The following PTAR1 variants were observed in gnomAD, a reference collection of about 807,000 sequenced individuals.
PTAR1 encodes protein prenyltransferase alpha subunit repeat containing 1, also known as protein prenyltransferase alpha subunit repeat-containing protein 1.
Under a neutral mutation model 45.5 loss-of-function variants are expected in PTAR1, and 17 were observed. That is an observed-to-expected ratio of 0.37 (90% CI 0.26 to 0.56). The LOEUF (loss-of-function observed/expected upper bound fraction) is 0.56. PTAR1 is among the 20% of genes least tolerant of loss of function. The pLI is 0.77. For synonymous variants in PTAR1, 169 were observed against 171.3 expected (o/e 0.99, Z 0.11); for missense variants, 391 against 476.3 (o/e 0.82, Z 1.67).
intron 3 of PTAR1, among the ~76,000 whole-genome samples, chr9:69,735,619 G>T (rs1825753172): frequency 6.6e-6 from 1 of 151,916 alleles, no homozygotes; most frequent in Admixed American, 6.6e-5. Context: ...AATTTCTCAG[G>T]TAAGTTTTTG....
At chr9:69,757,201 A>G (rs1017415171) in intron 1 of PTAR1, 1 of 152,226 alleles carries the variant, frequency 6.6e-6, no homozygotes. Context: ...TTTACATTAT[A>G]AACTGTTGTC....
intron 1 of PTAR1, among the ~76,000 whole-genome samples, chr9:69,754,841 A>G (rs1168811791): frequency 6.6e-6 from 1 of 151,880 alleles, no homozygotes; most frequent in Non-Finnish European, 1.5e-5. Context: ...GGTGTGAGTC[A>G]CTGTGCCCAG....
intron 3 of PTAR1, among the ~76,000 whole-genome samples, chr9:69,741,215 C>T (rs1332954076): frequency 6.6e-6 from 1 of 152,176 alleles, no homozygotes; most frequent in Non-Finnish European, 1.5e-5. Context: ...CTGGCCCAGA[C>T]CTTTTTCCTG....
chr9:69,740,319 T>A (rs1192633699), intron 3 of PTAR1, among the ~76,000 whole-genome samples: 1 of 152,130 alleles, frequency 6.6e-6, no homozygotes, highest in Non-Finnish European at 1.5e-5. Flanking sequence ...CTAAGTTCCA[T>A]GAATCTTAGG....
chr9:69,759,777 G>A, intron 1 of PTAR1, 76 bp downstream of exon 1: 2 of 1,393,944 alleles, frequency 1.4e-6, no homozygotes, highest in South Asian at 1.4e-5. Context: ...CCCGCCGCCC[G>A]AGGTCGGGTG....
At position 69,756,749 on chromosome 9, in the gene PTAR1, A is replaced by G. The variant is rs1171393305; in HGVS notation, c.86+3104T>C. 2.0e-5 allele frequency among the ~76,000 whole-genome samples: 3 copies of G among 151,710 alleles called. No homozygotes were observed. The East Asian group carries it at 5.8e-4, about 29-fold the overall frequency. ...CCAGCCTCCTCTCCACTTCTATTAG[A>G]CTCCCATAGCACTTGCTCATCATGC... On this transcript the variant is annotated intron_variant, in intron 1 of 7. Transcript: ENST00000340434.
At chr9:69,723,138 A>AATGATG (rs1033164519) in intron 6 of PTAR1, among the ~76,000 whole-genome samples, 188 bp downstream of exon 6, 1 of 3,726 alleles carries the variant, frequency 2.7e-4, no homozygotes, top group African/African-American at 3.2e-4. Context: ...ATCTCTTATT[A>AATGATG]ATGATGATGA....
chr9:69,734,410 GAT>G (rs1825688460), intron 3 of PTAR1, among the ~76,000 whole-genome samples, 156 bp from the exon 4 acceptor site: 1 of 151,922 alleles, frequency 6.6e-6, no homozygotes, highest in Admixed American at 6.6e-5. Context: ...GCCACTCTGG[GAT>G]ATAAAACACT....
chr9:69,733,050 G>T (rs1228670052), intron 4 of PTAR1, among the ~76,000 whole-genome samples: 1 of 151,980 alleles, frequency 6.6e-6, no homozygotes, highest in Admixed American at 6.5e-5. Context: ...TTAGACTAAA[G>T]ATTTCAAACC....
Position 69,714,013 on chromosome 9 carries a change from AAC to A in PTAR1, c.*4327_*4328del, listed in dbSNP as rs1436101082. On this transcript the variant is annotated 3_prime_UTR_variant, in exon 8 of 8. Coordinates refer to ENST00000340434, the MANE Select transcript of PTAR1 (RefSeq NM_001099666.2). ...AAAAAGTAAGAAAGGCACTCGAATT[AAC>A]ACAGTCTCTACAGTTATTTTTTAAA... The A allele has an allele frequency of 2.6e-5, 4 of 152,118 alleles. No individual in the cohort carries two copies. The highest frequency in any genetic ancestry group is 2.4e-5 in the African/African-American group (1 of 41,444). The allele number at this position is 152,118 out of a possible 1,614,324, so 9.4% of individuals were successfully genotyped here.
chr9:69,759,874 G>A lies in PTAR1; in HGVS notation c.65C>T (p.Ala22Val). ...VQRVVKDITN[A>V]FRRNPHIDEI... ...TCACATGTGTGGGTTCCTCCTGAAG[G>A]CGTTAGTGATGTCCTTCACAACCCG... Residue 22 changes from alanine (A) to valine (V), a missense_variant, in exon 1 of 8, where the codon GCC becomes GTC. Coordinates refer to ENST00000340434, the MANE Select transcript of PTAR1 (RefSeq NM_001099666.2). 6.5e-7 allele frequency: 1 copy of A among 1,530,030 alleles called. No homozygotes were observed. Among genetic ancestry groups the A allele is most frequent in the Non-Finnish European group, 8.8e-7 (1 of 1,138,452 alleles). The allele number at this position is 1,530,030 out of a possible 1,614,324, so 94.8% of individuals were successfully genotyped here.
chr9:69,758,795 AT>A (rs1262481323), intron 1 of PTAR1: 1 of 210,228 alleles, frequency 4.8e-6, no homozygotes, highest in Non-Finnish European at 1.0e-5. Context: ...AAAAAAAAAA[AT>A]CATGAGCTCC....
intron 5 of PTAR1, among the ~76,000 whole-genome samples, chr9:69,725,166 A>C (rs577993767): frequency 6.6e-6 from 1 of 152,348 alleles, no homozygotes; most frequent in African/African-American, 2.4e-5. Flanking sequence ...ACATGGATTG[A>C]AAAGAGTACT....
intron 3 of PTAR1, 141 bp from the exon 4 acceptor site, chr9:69,734,395 C>T (rs1221479033): frequency 2.1e-6 from 1 of 466,686 alleles, no homozygotes; most frequent in Non-Finnish European, 3.7e-6. Flanking sequence ...AGAAAAAAAG[C>T]CCAAGCCACT....
At chr9:69,745,654 G>GC (rs373880508) in intron 2 of PTAR1, among the ~76,000 whole-genome samples, 4 of 152,332 alleles carry the variant, frequency 2.6e-5, no homozygotes, top group African/African-American at 9.6e-5. Flanking sequence ...CCCTAAGAGA[G>GC]CAACAGCAGC....
intron 3 of PTAR1, among the ~76,000 whole-genome samples, chr9:69,738,029 C>T (rs969717084): frequency 6.6e-6 from 1 of 152,100 alleles, no homozygotes; most frequent in Non-Finnish European, 1.5e-5. Context: ...TTAGTTTCTA[C>T]CAAATGTCCT....
chr9:69,741,990 G>T, intron 2 of PTAR1, 132 bp from the exon 3 acceptor site: 1 of 614,362 alleles, frequency 1.6e-6, no homozygotes, highest in Non-Finnish European at 2.9e-6. Context: ...TAACTTTAAT[G>T]ATAAATTCCC....
At chr9:69,719,834 T>C (rs775793054) in intron 6 of PTAR1, among the ~76,000 whole-genome samples, 94 of 152,204 alleles carry the variant, frequency 6.2e-4, no homozygotes, top group Non-Finnish European at 6.5e-4. Flanking sequence ...ATATCTGTTA[T>C]GTGATCTGTG....
chr9:69,731,905 C>T, intron 5 of PTAR1: 2 of 533,132 alleles, frequency 3.8e-6, no homozygotes, highest in Non-Finnish European at 6.7e-6. Context: ...TTGGTTAAAC[C>T]TGCCTTGCTT....
Sources: gnomAD v4.1 joint callset for allele counts (sites outside exome capture counted in the v4.1 genomes callset) on GRCh38, gnomAD v4.1.1 for gene constraint, MANE v1.5 for transcripts, NCBI Gene and HGNC (gene_info 2026-07-23, HGNC 2026-07-21) for gene names.